SVOPL: variants seen among roughly 807,000 people sequenced by gnomAD.
The protein encoded by SVOPL is SVOP like, also known as putative transporter SVOPL.
In SVOPL, 60 loss-of-function variants were observed where a neutral mutation model predicts 61.0. That is an observed-to-expected ratio of 0.98 (90% confidence interval 0.80 to 1.22). The LOEUF is 1.22. Ranked by LOEUF, SVOPL falls within the 50% of genes most tolerant of loss-of-function variation. The pLI is 0.00. For synonymous variants in SVOPL, 279 were observed against 250.0 expected (o/e 1.12, Z -1.09); for missense variants, 662 against 643.9 (o/e 1.03, Z -0.30).
intron 3 of SVOPL, among the ~76,000 whole-genome samples, chr7:138,675,502 T>A (rs7809600): frequency 1.3e-5 from 2 of 151,752 alleles, no homozygotes; most frequent in Non-Finnish European, 2.9e-5. Flanking sequence ...TGCAGGCATG[T>A]GCCACCATAC....
rs761965351 is a variant in SVOPL at position 138,612,980 on chromosome 7, T to C, written c.1353+8066A>G. ...TAAGCTTACTCTACCCTTTCCCTCC[T>C]CCAATTTACTCTCTGCAAGCAACCA... On this transcript the variant is annotated intron_variant, in intron 14 of 15. Coordinates refer to ENST00000674285, the MANE Select transcript of SVOPL (RefSeq NM_001139456.2). Among the ~76,000 whole-genome samples, 25 of 152,218 alleles carry C rather than the reference T, an allele frequency of 1.6e-4. No homozygotes were observed. In the South Asian group the frequency reaches 1.7e-3, roughly 10 times the overall value.
intron 1 of SVOPL, among the ~76,000 whole-genome samples, chr7:138,695,909 A>C (rs1803054545): frequency 6.6e-6 from 1 of 151,664 alleles, no homozygotes; most frequent in African/African-American, 2.4e-5. Flanking sequence ...CAGCCTCCCG[A>C]GTAGCTGCGA....
At chr7:138,657,142 ATTT>A (rs1801784858) in intron 6 of SVOPL, among the ~76,000 whole-genome samples, 1 of 81,142 alleles carries the variant, frequency 1.2e-5, no homozygotes, top group African/African-American at 9.9e-5. Flanking sequence ...TTGTTTATTT[ATTT>A]ATTTATTTAT....
At chr7:138,642,194 A>C (rs1800838873) in intron 9 of SVOPL, among the ~76,000 whole-genome samples, 1 of 151,914 alleles carries the variant, frequency 6.6e-6, no homozygotes, top group Non-Finnish European at 1.5e-5. Flanking sequence ...TTGTTTATTA[A>C]AAATAAAAAA....
At chr7:138,648,874 A>T in intron 8 of SVOPL, 138 bp downstream of exon 8, 2 of 1,304,536 alleles carry the variant, frequency 1.5e-6, no homozygotes, top group Non-Finnish European at 2.1e-6. Flanking sequence ...GTGAGCCGAG[A>T]TTGCACCTCT....
intron 12 of SVOPL, among the ~76,000 whole-genome samples, chr7:138,627,062 G>C (rs140740028): frequency 6.6e-6 from 1 of 152,248 alleles, no homozygotes; most frequent in Non-Finnish European, 1.5e-5. Context: ...CCAGAGTCCC[G>C]ATTCTCCAGG....
intron 8 of SVOPL, chr7:138,645,973 G>A (rs1962898): frequency 0.059 from 9,418 of 158,376 alleles, 805 homozygotes; most frequent in African/African-American, 0.19. Flanking sequence ...GCACCACCAC[G>A]CCTGGCTAAT....
At chr7:138,639,408 CAT>C (rs1563110279) in intron 9 of SVOPL, among the ~76,000 whole-genome samples, 17 of 152,020 alleles carry the variant, frequency 1.1e-4, no homozygotes, top group African/African-American at 4.1e-4. Flanking sequence ...GGGTGGGCCA[CAT>C]GAGGTCAGGA....
At chr7:138,625,533 A>G (rs1326015118) in intron 13 of SVOPL, among the ~76,000 whole-genome samples, 3 of 152,252 alleles carry the variant, frequency 2.0e-5, no homozygotes, top group African/African-American at 2.4e-5. Context: ...ATAAATTAAT[A>G]AAGAATAAAT....
At chr7:138,674,929 G>A (rs1252392004) in intron 3 of SVOPL, among the ~76,000 whole-genome samples, 2 of 151,998 alleles carry the variant, frequency 1.3e-5, no homozygotes, top group African/African-American at 2.4e-5. Context: ...TGAAGGTGGA[G>A]GAGAGTTAAT....
At chr7:138,664,805 GCCACCCCGGCGCTCGACCCTTCCCC>G in intron 4 of SVOPL, among the ~76,000 whole-genome samples, 1 of 61,698 alleles carries the variant, frequency 1.6e-5, no homozygotes, top group African/African-American at 6.7e-5. Flanking sequence ...TTCCTCCTCC[GCCACCCCGGCGCTCGACCCTTCCCC>G]CCACCCCCGC....
intron 9 of SVOPL, 150 bp downstream of exon 9, chr7:138,644,567 G>C (rs1303954330): frequency 2.6e-6 from 3 of 1,154,570 alleles, no homozygotes; most frequent in Admixed American, 5.9e-5. Context: ...CAGTGAAAAT[G>C]AATGTAGCCT....
intron 4 of SVOPL, 123 bp downstream of exon 4, chr7:138,671,896 T>G: frequency 4.6e-5 from 37 of 806,190 alleles, no homozygotes; most frequent in Non-Finnish European, 6.6e-5. Flanking sequence ...TGCAAACCCT[T>G]GAGTTTTGGA....
chr7:138,687,606 G>A (rs1049382709), intron 1 of SVOPL, among the ~76,000 whole-genome samples: 7 of 150,570 alleles, frequency 4.6e-5, no homozygotes, highest in Non-Finnish European at 7.4e-5. Flanking sequence ...CCAGGCTGGA[G>A]TGCTACCACA....
rs368517919 is a variant in SVOPL, at chr7:138,700,781, C to T, written c.-35+397G>A. On this transcript the variant is annotated intron_variant, in intron 1 of 15. Transcript: ENST00000674285. ...GAATAACATGGAAAAGAATGCTTCG[C>T]GTCCCTCACTATAAGTTCCTAAAAA... Among the ~76,000 whole-genome samples, 73 of 152,056 alleles carry T rather than the reference C, an allele frequency of 4.8e-4. 1 individual carries two copies. The highest frequency in any genetic ancestry group is 1.6e-3 in the African/African-American group (66 of 41,388).
chr7:138,653,243 A>G (rs897090525), intron 7 of SVOPL, among the ~76,000 whole-genome samples: 3 of 152,248 alleles, frequency 2.0e-5, no homozygotes, highest in African/African-American at 7.2e-5. Flanking sequence ...GAGAAGCTGC[A>G]GCAGGTCATC....
intron 13 of SVOPL, among the ~76,000 whole-genome samples, chr7:138,622,308 A>ATCTATCTG (rs1563096950): frequency 6.7e-6 from 1 of 148,268 alleles, no homozygotes; most frequent in African/African-American, 2.5e-5. Context: ...CTATCTATCT[A>ATCTATCTG]TCTATCGACA....
intron 3 of SVOPL, among the ~76,000 whole-genome samples, chr7:138,677,029 G>A (rs930104918): frequency 2.0e-5 from 3 of 149,412 alleles, no homozygotes; most frequent in African/African-American, 7.4e-5. Flanking sequence ...TCAGCCTCCC[G>A]AGTAGCTGGG....
intron 8 of SVOPL, among the ~76,000 whole-genome samples, chr7:138,648,025 C>T (rs1248510862): frequency 2.0e-5 from 3 of 152,016 alleles, no homozygotes; most frequent in African/African-American, 2.4e-5. Flanking sequence ...ACTAAAACCC[C>T]GGTTCTGCTG....
Sources: gnomAD v4.1 joint callset for allele counts (sites outside exome capture counted in the v4.1 genomes callset) on GRCh38, gnomAD v4.1.1 for gene constraint, MANE v1.5 for transcripts, NCBI Gene and HGNC (gene_info 2026-07-23, HGNC 2026-07-21) for gene names.